Variants in ZNF804B observed in about 807,000 individuals in gnomAD.
The protein encoded by ZNF804B is zinc finger 804B.
Under a neutral mutation model 101.4 loss-of-function variants are expected in ZNF804B, and 80 were observed. The observed-to-expected ratio is 0.79, with a 90% CI of 0.66 to 0.95. ZNF804B has a LOEUF of 0.95. ZNF804B is among the 40% of genes least tolerant of loss of function. ZNF804B has a pLI of 0.00. For synonymous variants in ZNF804B, 622 were observed against 558.8 expected (o/e 1.11, Z -1.59); for missense variants, 1,673 against 1,561.9 (o/e 1.07, Z -1.20).
chr7:89,156,086 TTC>T, intron 1 of ZNF804B, among the ~76,000 whole-genome samples: 2 of 94,700 alleles, frequency 2.1e-5, no homozygotes, highest in African/African-American at 7.7e-5. Flanking sequence ...CTTTCTCTCT[TTC>T]CTTTCTTTCT....
At chr7:89,023,380 A>G (rs1042623023) in intron 1 of ZNF804B, among the ~76,000 whole-genome samples, 2 of 152,232 alleles carry the variant, frequency 1.3e-5, no homozygotes, top group African/African-American at 4.8e-5. Context: ...TATGCTGGCC[A>G]GTATGACTTG....
chr7:88,910,444 TG>T (rs759430683), intron 1 of ZNF804B, among the ~76,000 whole-genome samples: 13 of 151,940 alleles, frequency 8.6e-5, no homozygotes, highest in Non-Finnish European at 1.5e-4. Flanking sequence ...TAGAAAAAAC[TG>T]CTTTGCTTAA....
chr7:89,132,212 G>A (rs937918349), intron 1 of ZNF804B, among the ~76,000 whole-genome samples: 3 of 145,266 alleles, frequency 2.1e-5, no homozygotes, highest in Admixed American at 6.9e-5. Flanking sequence ...ACAGTTTGAT[G>A]CAATGAGTAA....
chr7:89,333,090 G>T (rs1791012027), intron 3 of ZNF804B, among the ~76,000 whole-genome samples: 1 of 151,860 alleles, frequency 6.6e-6, no homozygotes, highest in Non-Finnish European at 1.5e-5. Flanking sequence ...GACATATATT[G>T]TGATGTAAAT....
chr7:88,800,982 A>C (rs757068980), intron 1 of ZNF804B, among the ~76,000 whole-genome samples: 3 of 150,814 alleles, frequency 2.0e-5, no homozygotes, highest in Non-Finnish European at 2.9e-5. Context: ...ACTTTAAGAA[A>C]GAAGAGGCTA....
intron 2 of ZNF804B, among the ~76,000 whole-genome samples, chr7:89,324,829 A>ATT (rs1331090286): frequency 6.7e-6 from 1 of 149,572 alleles, no homozygotes; most frequent in African/African-American, 2.4e-5. Flanking sequence ...TCTGTTGGCT[A>ATT]TTTTTTTTTG....
chr7:89,279,852 T>C (rs1293112123), intron 2 of ZNF804B, among the ~76,000 whole-genome samples: 1 of 151,990 alleles, frequency 6.6e-6, no homozygotes, highest in African/African-American at 2.4e-5. Context: ...GGTATCAGGG[T>C]GATGCGGGCC....
intron 1 of ZNF804B, among the ~76,000 whole-genome samples, chr7:88,763,263 A>C (rs955136618): frequency 6.6e-6 from 1 of 152,142 alleles, no homozygotes; most frequent in African/African-American, 2.4e-5. Flanking sequence ...AATTTAGAAA[A>C]CATGTTGAAT....
intron 1 of ZNF804B, among the ~76,000 whole-genome samples, chr7:88,822,226 T>A (rs1790993132): frequency 6.6e-6 from 1 of 152,174 alleles, no homozygotes; most frequent in Non-Finnish European, 1.5e-5. Flanking sequence ...TAGCCTTGGT[T>A]GTATGAAGAA....
At chr7:89,121,055 CG>C (rs1298939491) in intron 1 of ZNF804B, among the ~76,000 whole-genome samples, 2 of 152,152 alleles carry the variant, frequency 1.3e-5, no homozygotes, top group Non-Finnish European at 2.9e-5. Flanking sequence ...GGATGATAAA[CG>C]AAATCCAGAG....
At position 89,220,079 on chromosome 7, in the gene ZNF804B, A is replaced by G. The variant is rs1434917716; in HGVS notation, c.249+1784A>G. Among the ~76,000 whole-genome samples the G allele has an allele frequency of 3.1e-5, 3 of 98,112 alleles. 1 individual carries two copies. In the East Asian group the frequency reaches 6.4e-4, roughly 21 times the overall value. 64.4% of individuals were successfully genotyped at this position (98,112 alleles called of 152,430 possible). ...CATATATACGCACATATATGTGTAT[A>G]TACATATATATACGCACATATATAT... is the stretch of plus-strand genomic sequence containing the variant. On this transcript the variant is annotated intron_variant, in intron 2 of 3. Coordinates refer to ENST00000333190, the MANE Select transcript of ZNF804B (RefSeq NM_181646.5).
chr7:89,017,501 A>AT (rs1295618450), intron 1 of ZNF804B, among the ~76,000 whole-genome samples: 1 of 151,998 alleles, frequency 6.6e-6, no homozygotes, highest in Admixed American at 6.6e-5. Flanking sequence ...GCTATTTGGG[A>AT]TTTTTATGAT....
chr7:88,942,084 C>T (rs1424803462), intron 1 of ZNF804B, among the ~76,000 whole-genome samples: 1 of 151,744 alleles, frequency 6.6e-6, no homozygotes, highest in East Asian at 1.9e-4. Context: ...TTAAAATAAT[C>T]CTAAGAAAAT....
intron 1 of ZNF804B, among the ~76,000 whole-genome samples, chr7:89,033,590 C>CA (rs1390632967): frequency 6.6e-6 from 1 of 151,940 alleles, no homozygotes; most frequent in Non-Finnish European, 1.5e-5. Flanking sequence ...AGTGTACAAG[C>CA]AAAACCCTCT....
intron 2 of ZNF804B, among the ~76,000 whole-genome samples, chr7:89,261,417 G>T (rs541402988): frequency 1.1e-3 from 168 of 151,886 alleles, no homozygotes; most frequent in Non-Finnish European, 1.9e-3. Context: ...TTTTCAAATT[G>T]TCCAAAGTCT....
chr7:88,792,804 C>A (rs1790400162), intron 1 of ZNF804B, among the ~76,000 whole-genome samples: 1 of 152,058 alleles, frequency 6.6e-6, no homozygotes, highest in East Asian at 1.9e-4. Context: ...AAAGAAACTT[C>A]AGTTAAAACT....
chr7:89,090,271 GT>G (rs1410612630), intron 1 of ZNF804B, among the ~76,000 whole-genome samples: 1 of 151,908 alleles, frequency 6.6e-6, no homozygotes, highest in African/African-American at 2.4e-5. Flanking sequence ...CTCATAGAAG[GT>G]TCCTGGAATG....
chr7:88,907,526 T>A (rs1792491137), intron 1 of ZNF804B, among the ~76,000 whole-genome samples: 1 of 152,008 alleles, frequency 6.6e-6, no homozygotes, highest in South Asian at 2.1e-4. Flanking sequence ...CTAATTTAAA[T>A]CTAATTTAAA....
chr7:89,293,319 G>A lies in ZNF804B; in HGVS notation c.250-34025G>A, dbSNP rs867548195. The stretch of plus-strand genomic sequence containing the variant: ...AGGTGATGGATACGTTAATTAGATT[G>A]ATTTGATAATTCCACCATATATACA... On this transcript the variant is annotated intron_variant, in intron 2 of 3. Coordinates refer to ENST00000333190, the MANE Select transcript of ZNF804B (RefSeq NM_181646.5). 2.6e-5 allele frequency among the ~76,000 whole-genome samples: 4 copies of A among 152,028 alleles called. No individual in the cohort carries two copies. In the South Asian group the frequency reaches 8.3e-4, roughly 32 times the overall value.
Sources: allele counts gnomAD v4.1 joint callset (sites outside exome capture counted in the v4.1 genomes callset), GRCh38; gene constraint gnomAD v4.1.1; transcripts MANE v1.5; gene names NCBI Gene and HGNC (gene_info 2026-07-23, HGNC 2026-07-21).